Variants in TMBIM6 observed in about 807,000 individuals in gnomAD.
The protein encoded by TMBIM6 is bax inhibitor 1.
A neutral mutation model predicts 31.4 loss-of-function variants in TMBIM6; 13 were observed. That is an observed-to-expected ratio of 0.41 (90% confidence interval 0.27 to 0.66). TMBIM6 has a LOEUF of 0.66. TMBIM6 is among the 30% of genes least tolerant of loss of function. TMBIM6 has a pLI of 0.28. For missense variants in TMBIM6, 275 were observed against 289.5 expected, an observed-to-expected ratio of 0.95 and a Z score of 0.36; for synonymous variants, 85 against 101.7, an observed-to-expected ratio of 0.84 and a Z score of 0.99.
At chr12:49,754,014 C>T (rs897977375) in intron 3 of TMBIM6, among the ~76,000 whole-genome samples, 5 of 151,862 alleles carry the variant, frequency 3.3e-5, no homozygotes, top group Non-Finnish European at 5.9e-5. Context: ...GTTGAGTCAC[C>T]CTGCTGTTGC....
At chr12:49,741,800 G>A (rs1945299202) in intron 1 of TMBIM6, 189 bp downstream of exon 1, 2 of 315,080 alleles carry the variant, frequency 6.3e-6, no homozygotes, top group South Asian at 6.7e-5. Flanking sequence ...CTAGTGCTGC[G>A]CGTGCGCAAC....
chr12:49,759,878 C>T (rs1466025718), intron 8 of TMBIM6, among the ~76,000 whole-genome samples: 2 of 149,152 alleles, frequency 1.3e-5, no homozygotes, highest in African/African-American at 2.5e-5. Flanking sequence ...TTTGGGAGGT[C>T]GGGGCAGGCG....
At chr12:49,752,289 CTATGATTGCAAATATATTGTAGG>C (rs1236017430) in intron 1 of TMBIM6, among the ~76,000 whole-genome samples, 152 bp from the exon 2 acceptor site, 1 of 151,978 alleles carries the variant, frequency 6.6e-6, no homozygotes, top group East Asian at 1.9e-4. Context: ...AGATGGTTGA[CTATGATTGCAAATATATTGTAGG>C]ACACATAAAA....
intron 9 of TMBIM6, 108 bp downstream of exon 9, chr12:49,761,887 T>C: frequency 9.3e-7 from 1 of 1,073,586 alleles, no homozygotes; most frequent in Non-Finnish European, 1.4e-6. Context: ...AGGTCCAGGG[T>C]AACTGTAAGG....
chr12:49,755,826 CCT>C (rs1945580121), intron 4 of TMBIM6, 71 bp downstream of exon 4: 2 of 1,522,924 alleles, frequency 1.3e-6, no homozygotes, highest in Non-Finnish European at 8.8e-7. Flanking sequence ...AGTTCCCCCC[CCT>C]TTTTTTTTCT....
intron 1 of TMBIM6, chr12:49,742,094 C>T (rs367630766): frequency 2.5e-5 from 39 of 1,591,516 alleles, no homozygotes; most frequent in African/African-American, 4.0e-5. Flanking sequence ...CCTGGGTGAG[C>T]GGCCCGGAGC....
At chr12:49,755,329 A>G (rs147090268) in intron 3 of TMBIM6, among the ~76,000 whole-genome samples, 1 of 152,170 alleles carries the variant, frequency 6.6e-6, no homozygotes, top group East Asian at 1.9e-4. Context: ...GTCACGTTTC[A>G]TTCATCCTTT....
intron 3 of TMBIM6, among the ~76,000 whole-genome samples, chr12:49,753,790 C>T (rs780009325): frequency 1.3e-5 from 2 of 152,144 alleles, no homozygotes; most frequent in Admixed American, 6.5e-5. Flanking sequence ...GGGCTTTGAT[C>T]GCTTGAGTTT....
Position 49,755,772 on chromosome 12 carries a change from G to C in TMBIM6, c.286+17G>C. 6.2e-7 allele frequency: 1 copy of C among 1,605,234 alleles called. No individual in the cohort carries two copies. Among genetic ancestry groups the C allele is most frequent in the Admixed American group, 1.7e-5 (1 of 58,872 alleles). On this transcript the variant is annotated intron_variant, in intron 4 of 9. Transcript: ENST00000267115. ...TCCTTACAGGTACGTTAAGGGATTT[G>C]TCTAATTTTGAGGGGTGAGCTATAT...
At chr12:49,746,478 AT>A (rs1442247494) in intron 1 of TMBIM6, among the ~76,000 whole-genome samples, 7 of 152,228 alleles carry the variant, frequency 4.6e-5, no homozygotes, top group Non-Finnish European at 8.8e-5. Flanking sequence ...TATTGAACTC[AT>A]TCTATGTACA....
intron 3 of TMBIM6, among the ~76,000 whole-genome samples, chr12:49,755,284 A>G (rs998176680): frequency 3.3e-5 from 5 of 151,820 alleles, no homozygotes; most frequent in Non-Finnish European, 2.9e-5. Flanking sequence ...GATCATTTCT[A>G]TTTGTTCTAC....
intron 6 of TMBIM6, 88 bp downstream of exon 6, chr12:49,758,568 C>G: frequency 6.5e-7 from 1 of 1,543,064 alleles, no homozygotes; most frequent in Non-Finnish European, 9.0e-7. Context: ...AACTCCTTTG[C>G]GACTATTGAG....
intron 1 of TMBIM6, chr12:49,741,953 G>A: frequency 1.1e-6 from 1 of 874,486 alleles, no homozygotes; most frequent in Non-Finnish European, 1.7e-6. Context: ...TCTACTAAGT[G>A]TAGACGCAGG....
chr12:49,759,402 G>A, intron 8 of TMBIM6, 81 bp downstream of exon 8: 1 of 1,218,686 alleles, frequency 8.2e-7, no homozygotes, highest in Non-Finnish European at 1.2e-6. Flanking sequence ...GGCATTGGCT[G>A]AACATAGGTG....
chr12:49,755,784 G>A (rs761527681), intron 4 of TMBIM6, 29 bp downstream of exon 4: 2 of 1,604,860 alleles, frequency 1.2e-6, no homozygotes, highest in South Asian at 1.1e-5. Flanking sequence ...CTAATTTTGA[G>A]GGGTGAGCTA....
intron 8 of TMBIM6, among the ~76,000 whole-genome samples, chr12:49,760,538 T>A (rs1450818068): frequency 6.8e-6 from 1 of 146,678 alleles, no homozygotes; most frequent in South Asian, 2.2e-4. Flanking sequence ...AGCCACTTTT[T>A]TTTTTTTTTT....
intron 1 of TMBIM6, among the ~76,000 whole-genome samples, chr12:49,745,355 G>A (rs1945371583): frequency 6.6e-6 from 1 of 152,074 alleles, no homozygotes; most frequent in Non-Finnish European, 1.5e-5. Flanking sequence ...AAGTACAGAC[G>A]GGCCCCAATT....
Position 49,746,833 on chromosome 12 carries a change from T to C in TMBIM6, c.-31+5222T>C, listed in dbSNP as rs571392973. Among the ~76,000 whole-genome samples, 322 of 152,224 alleles carry C rather than the reference T, an allele frequency of 2.1e-3. 1 individual carries two copies. The highest frequency in any genetic ancestry group is 3.8e-3 in the Non-Finnish European group (259 of 67,992). ...AATTACTAACAGTTCTTCCCCCTCC[T>C]TTTTTTGTTTTTGTTTTTTTGAGAC... is the stretch of plus-strand genomic sequence containing the variant. On this transcript the variant is annotated intron_variant, in intron 1 of 9. Transcript: ENST00000267115.
chr12:49,752,005 C>A (rs921107457), intron 1 of TMBIM6, among the ~76,000 whole-genome samples: 1 of 152,012 alleles, frequency 6.6e-6, no homozygotes, highest in Non-Finnish European at 1.5e-5. Context: ...TCAGGTGATC[C>A]GCCCACCTCA....
Sources: gnomAD v4.1 joint callset for allele counts (sites outside exome capture counted in the v4.1 genomes callset) on GRCh38, gnomAD v4.1.1 for gene constraint, MANE v1.5 for transcripts, NCBI Gene and HGNC (gene_info 2026-07-23, HGNC 2026-07-21) for gene names.